The following OCA2 variants were observed in gnomAD, a reference collection of about 807,000 sequenced individuals.
OCA2 encodes P protein.
Under a neutral mutation model 100.2 loss-of-function variants are expected in OCA2, and 77 were observed. The observed-to-expected ratio is 0.77, with a 90% CI of 0.64 to 0.93. The LOEUF is 0.93. Among genes scored for constraint, OCA2 ranks in the 40% least tolerant of loss-of-function variants. OCA2 has a pLI of 0.00. For synonymous variants in OCA2, 432 were observed against 439.2 expected, an observed-to-expected ratio of 0.98 and a Z score of 0.21; for missense variants, 1,062 against 1,089.1, an observed-to-expected ratio of 0.98 and a Z score of 0.35.
chr15:28,030,062 A>G (rs2042868492), intron 3 of OCA2, among the ~76,000 whole-genome samples: 1 of 152,244 alleles, frequency 6.6e-6, no homozygotes, highest in African/African-American at 2.4e-5. Context: ...CAAGTAATTC[A>G]AGAGAAAGCA....
chr15:27,866,589 A>G (rs1372994752), intron 21 of OCA2, among the ~76,000 whole-genome samples: 3 of 152,224 alleles, frequency 2.0e-5, no homozygotes, highest in African/African-American at 7.2e-5. Flanking sequence ...GAATGAGGCT[A>G]CAAACACAAA....
At chr15:28,084,863 C>A (rs1002515974) in intron 1 of OCA2, among the ~76,000 whole-genome samples, 1 of 152,252 alleles carries the variant, frequency 6.6e-6, no homozygotes, top group Non-Finnish European at 1.5e-5. Context: ...CTTGCCTTTT[C>A]AGGCAACAAG....
intron 21 of OCA2, among the ~76,000 whole-genome samples, chr15:27,870,319 G>A (rs1245918104): frequency 1.3e-5 from 2 of 152,206 alleles, no homozygotes; most frequent in Non-Finnish European, 2.9e-5. Context: ...CAGGCTTCTG[G>A]CCTGTGCCCT....
chr15:28,022,684 T>A, intron 5 of OCA2, 111 bp from the exon 6 acceptor site: 1 of 772,728 alleles, frequency 1.3e-6, no homozygotes, highest in Non-Finnish European at 2.3e-6. Flanking sequence ...ACTGTGTGCA[T>A]CCAGTACGCG....
At chr15:27,883,575 G>A (rs904324758) in intron 19 of OCA2, among the ~76,000 whole-genome samples, 2 of 152,076 alleles carry the variant, frequency 1.3e-5, no homozygotes, top group Non-Finnish European at 2.9e-5. Context: ...CCCTCATCAG[G>A]GCGAGGGAGA....
intron 18 of OCA2, among the ~76,000 whole-genome samples, chr15:27,928,536 G>A (rs540369227): frequency 2.0e-5 from 3 of 152,274 alleles, no homozygotes; most frequent in African/African-American, 7.2e-5. Context: ...TGTTGGCAGG[G>A]CTGCGTTCCT....
At position 27,755,341 on chromosome 15, in the gene OCA2, T is replaced by C; in HGVS notation, c.*47A>G. 1 of 1,414,848 alleles carries C rather than the reference T, an allele frequency of 7.1e-7. No homozygotes were observed. The highest frequency in any genetic ancestry group is 1.0e-6 in the Non-Finnish European group (1 of 998,458). 87.6% of individuals were successfully genotyped at this position (1,414,848 alleles called of 1,614,324 possible). ...GGGTAGTTTTATGACTAATGGGTTG[T>C]GATGGATGAAGTTTCCTTTAGTCTT... On this transcript the variant is annotated 3_prime_UTR_variant, in exon 24 of 24. Coordinates refer to ENST00000354638, the MANE Select transcript of OCA2 (RefSeq NM_000275.3).
chr15:27,756,027 G>A (rs975595144), intron 23 of OCA2, among the ~76,000 whole-genome samples: 3 of 152,220 alleles, frequency 2.0e-5, no homozygotes, highest in Non-Finnish European at 4.4e-5. Flanking sequence ...AGGAGGGTAT[G>A]CACAGATACA....
rs114176032 is a variant in OCA2 at position 28,022,866 on chromosome 15, T to C, written c.574-293A>G. Among the ~76,000 whole-genome samples the C allele has an allele frequency of 5.0e-3, 769 of 152,308 alleles. 11 individuals are homozygous for C. The highest frequency in any genetic ancestry group is 0.018 in the African/African-American group (737 of 41,562). ...AATGTGGTTTTCTCACAATGGAGAATAAAGGCATATGACCCCTGTGATGGT... is the reference window on the plus strand; with the variant it reads ...AATGTGGTTTTCTCACAATGGAGAACAAAGGCATATGACCCCTGTGATGGT... On this transcript the variant is annotated intron_variant, in intron 5 of 23. Transcript: ENST00000354638.
chr15:27,890,810 G>A (rs973704430), intron 19 of OCA2, among the ~76,000 whole-genome samples: 4 of 152,034 alleles, frequency 2.6e-5, no homozygotes, highest in Admixed American at 1.3e-4. Flanking sequence ...GGTGGATCAC[G>A]AGGTCAAGAG....
intron 23 of OCA2, among the ~76,000 whole-genome samples, chr15:27,831,964 C>A: frequency 6.6e-6 from 1 of 152,084 alleles, no homozygotes. Context: ...GAGGCCGTCT[C>A]CAGCCCCCCG....
At chr15:27,938,924 A>G (rs531264460) in intron 18 of OCA2, among the ~76,000 whole-genome samples, 1 of 152,208 alleles carries the variant, frequency 6.6e-6, no homozygotes, top group Non-Finnish European at 1.5e-5. Context: ...GACAGCTCAC[A>G]TACAACTGCC....
chr15:27,820,406 G>A (rs1396912376), intron 23 of OCA2, among the ~76,000 whole-genome samples: 1 of 152,160 alleles, frequency 6.6e-6, no homozygotes, highest in Admixed American at 6.5e-5. Flanking sequence ...TGATGAAAAT[G>A]ACACTTCAGC....
At chr15:28,069,637 C>G (rs867825733) in intron 2 of OCA2, among the ~76,000 whole-genome samples, 1 of 145,894 alleles carries the variant, frequency 6.9e-6, no homozygotes, top group East Asian at 2.1e-4. Flanking sequence ...CCCCTAACCG[C>G]GAGTGATCTG....
At chr15:28,048,489 C>T (rs868725428) in intron 2 of OCA2, among the ~76,000 whole-genome samples, 2 of 152,016 alleles carry the variant, frequency 1.3e-5, no homozygotes, top group Non-Finnish European at 2.9e-5. Flanking sequence ...TAAATTTCCA[C>T]GTGCAAAAGA....
chr15:27,951,706 A>T (rs1455063911), intron 18 of OCA2, 78 bp downstream of exon 18: 29 of 1,063,720 alleles, frequency 2.7e-5, no homozygotes, highest in Non-Finnish European at 3.9e-5. Context: ...GGGCAAAGTC[A>T]GTGTCTGGGA....
chr15:27,988,807 C>A (rs2041447331), intron 11 of OCA2, among the ~76,000 whole-genome samples: 1 of 152,134 alleles, frequency 6.6e-6, no homozygotes, highest in African/African-American at 2.4e-5. Flanking sequence ...TCTGTGAAGC[C>A]AGGGTTAGAG....
At chr15:28,069,373 TC>T (rs1371076201) in intron 2 of OCA2, among the ~76,000 whole-genome samples, 1 of 8,392 alleles carries the variant, frequency 1.2e-4, no homozygotes, top group African/African-American at 1.5e-3. Context: ...CCTCTCCCTC[TC>T]CCTCTCCCTC....
the OCA2 span, among the ~76,000 whole-genome samples, chr15:27,722,774 C>T: frequency 1.4e-5 from 1 of 70,758 alleles, no homozygotes; most frequent in African/African-American, 6.1e-5. Flanking sequence ...TCTTTCTTTT[C>T]TTTCTTTCTC....
Sources: allele counts gnomAD v4.1 joint callset (sites outside exome capture counted in the v4.1 genomes callset), GRCh38; gene constraint gnomAD v4.1.1; transcripts MANE v1.5; gene names NCBI Gene and HGNC (gene_info 2026-07-23, HGNC 2026-07-21).